Variants in ARHGAP11B observed in about 807,000 individuals in gnomAD.
ARHGAP11B encodes the protein Rho GTPase activating protein 11B.
Under a neutral mutation model 27.6 loss-of-function variants are expected in ARHGAP11B, and 14 were observed. The ratio of observed to expected loss-of-function variants is 0.51; its 90% CI spans 0.34 to 0.79. The LOEUF (loss-of-function observed/expected upper bound fraction) is 0.79. Ranked by LOEUF, ARHGAP11B falls within the 30% of genes least tolerant of loss-of-function variation. The pLI is 0.02. For synonymous variants in ARHGAP11B, 82 were observed against 114.1 expected (o/e 0.72, Z 1.80); for missense variants, 245 against 320.1 (o/e 0.77, Z 1.79).
intron 1 of ARHGAP11B, among the ~76,000 whole-genome samples, chr15:30,628,908 AG>A (rs2060226186): frequency 6.6e-6 from 1 of 152,080 alleles, no homozygotes; most frequent in Non-Finnish European, 1.5e-5. Flanking sequence ...GCTGAATTCT[AG>A]TTATATATAA....
chr15:30,647,927 A>G (rs777300387), intron 10 of ARHGAP11B, among the ~76,000 whole-genome samples: 1 of 151,980 alleles, frequency 6.6e-6, no homozygotes, highest in Non-Finnish European at 1.5e-5. Flanking sequence ...TTCTGGGATT[A>G]TCTAAGCTAC....
chr15:30,648,452 A>G (rs563103726), exon 11 of ARHGAP11B, among the ~76,000 whole-genome samples: 2 of 152,114 alleles, frequency 1.3e-5, no homozygotes, highest in Non-Finnish European at 2.9e-5. Context: ...ACATAGGTTT[A>G]GGATTCAGAC....
At chr15:30,635,049 C>T (rs1317580644) in intron 4 of ARHGAP11B, 31 bp from the exon 5 acceptor site, 4 of 1,605,456 alleles carry the variant, frequency 2.5e-6, no homozygotes, top group African/African-American at 1.3e-5. Flanking sequence ...TCACGTTTGG[C>T]TCCATCTAAT....
At chr15:30,626,708 C>T in exon 1 of ARHGAP11B, 2 of 1,463,658 alleles carry the variant, frequency 1.4e-6, no homozygotes, top group Admixed American at 2.5e-5. Context: ...CCAGACGGGG[C>T]CGGAAAGCAG....
rs764101754 is a variant in ARHGAP11B, at chr15:30,630,774, G to T, written c.200+1G>T. Reference sequence around the variant, plus strand: ...TACCAGAATATGGACACATTCCAAGGTAAGCAGAGTTTGAAATGAAGAAGG... The same window carrying T: ...TACCAGAATATGGACACATTCCAAGTTAAGCAGAGTTTGAAATGAAGAAGG... On this transcript the variant is annotated splice_donor_variant, in intron 2 of 10. Transcript: ENST00000428041. LOFTEE classifies it high-confidence loss of function. 1.2e-6 allele frequency: 2 copies of T among 1,607,604 alleles called. No homozygotes were observed. Among genetic ancestry groups the T allele is most frequent in the Non-Finnish European group, 1.7e-6 (2 of 1,177,408 alleles).
At chr15:30,635,047 G>A in intron 4 of ARHGAP11B, 33 bp from the exon 5 acceptor site, 2 of 1,600,982 alleles carry the variant, frequency 1.2e-6, no homozygotes, top group Non-Finnish European at 1.7e-6. Flanking sequence ...TTTCACGTTT[G>A]GCTCCATCTA....
At chr15:30,642,758 T>A (rs1328305369) in intron 7 of ARHGAP11B, among the ~76,000 whole-genome samples, 1 of 152,060 alleles carries the variant, frequency 6.6e-6, no homozygotes, top group Admixed American at 6.6e-5. Context: ...CCTTGTATTA[T>A]TAAAAGAGTT....
exon 6 of ARHGAP11B, chr15:30,635,625 G>A (rs759030465): frequency 1.3e-5 from 21 of 1,613,374 alleles, no homozygotes; most frequent in Non-Finnish European, 1.6e-5. Flanking sequence ...AGAAGACAAC[G>A]TGTAGGAGGT....
intron 7 of ARHGAP11B, among the ~76,000 whole-genome samples, chr15:30,641,986 G>C (rs1001520703): frequency 2.6e-5 from 4 of 152,026 alleles, no homozygotes; most frequent in Non-Finnish European, 5.9e-5. Flanking sequence ...AAAATACTGG[G>C]ATTACAGACG....
rs566212324 is a variant in ARHGAP11B at position 30,638,811 on chromosome 15, G to A, written c.*69G>A. On this transcript the variant is annotated 3_prime_UTR_variant, in exon 7 of 11. Transcript: ENST00000428041. ...AACACCTTCTATTACACCTCAACAA[G>A]AAAGAATTGGTAGGTATTTATTATA... is the stretch of plus-strand genomic sequence containing the variant. 106 of 1,418,662 alleles carry A rather than the reference G, an allele frequency of 7.5e-5. 3 individuals carry two copies. The South Asian group carries it at 1.4e-3, about 19-fold the overall frequency. The allele number at this position is 1,418,662 out of a possible 1,614,324, so 87.9% of individuals were successfully genotyped here. A position where few individuals can be genotyped will look rare whatever the true frequency, so the allele number is the denominator to read the frequency against.
chr15:30,649,058 A>G (rs2140913966), exon 11 of ARHGAP11B: 1 of 152,198 alleles, frequency 6.6e-6, no homozygotes, highest in Admixed American at 6.6e-5. Flanking sequence ...TTTCAAACAG[A>G]CATTCCAAAT....
chr15:30,627,245 G>A (rs1467415640), intron 1 of ARHGAP11B, among the ~76,000 whole-genome samples: 1 of 151,892 alleles, frequency 6.6e-6, no homozygotes, highest in Non-Finnish European at 1.5e-5. Flanking sequence ...TGTGAATTGT[G>A]GGATGTTTAG....
chr15:30,633,396 G>C (rs1257483555), intron 2 of ARHGAP11B, 94 bp from the exon 3 acceptor site: 8 of 1,087,682 alleles, frequency 7.4e-6, no homozygotes, highest in African/African-American at 3.2e-5. Flanking sequence ...TAGAGCCTCT[G>C]AAAGGTCTGT....
chr15:30,645,792 C>G (rs548567308), intron 8 of ARHGAP11B, among the ~76,000 whole-genome samples: 21 of 152,078 alleles, frequency 1.4e-4, no homozygotes, highest in African/African-American at 4.6e-4. Flanking sequence ...TACAAAGGCT[C>G]TTTTGTCTTT....
At chr15:30,645,471 T>G (rs991690170) in intron 8 of ARHGAP11B, among the ~76,000 whole-genome samples, 13 of 151,990 alleles carry the variant, frequency 8.6e-5, no homozygotes, top group African/African-American at 3.1e-4. Flanking sequence ...CAGTGCCAAG[T>G]AGGTCTATTT....
chr15:30,648,692 A>T (rs938034904), exon 11 of ARHGAP11B: 1 of 152,070 alleles, frequency 6.6e-6, no homozygotes, highest in African/African-American at 2.4e-5. Flanking sequence ...AGTTATTATC[A>T]TGAAGCTTGC....
rs141729025 is a variant in ARHGAP11B, at chr15:30,643,964, C to T, written c.*79-675C>T. 2.0e-3 allele frequency among the ~76,000 whole-genome samples: 304 copies of T among 152,052 alleles called. 2 individuals are homozygous for T. Among genetic ancestry groups the T allele is most frequent in the African/African-American group, 7.0e-3 (290 of 41,508 alleles). On this transcript the variant is annotated intron_variant, in intron 7 of 10. Coordinates refer to ENST00000428041, the Ensembl canonical transcript of ARHGAP11B. The stretch of plus-strand genomic sequence containing the variant: ...CACATTTCTCAAATTGTGCACTTTC[C>T]AATTCATGCTATTATGGCTTCCTTG...
At chr15:30,643,802 T>G (rs1335577278) in intron 7 of ARHGAP11B, among the ~76,000 whole-genome samples, 7 of 152,166 alleles carry the variant, frequency 4.6e-5, no homozygotes, top group African/African-American at 1.2e-4. Flanking sequence ...ACTTAATTAG[T>G]AAAGGTTTTA....
chr15:30,632,550 G>A (rs1278569188), intron 2 of ARHGAP11B, among the ~76,000 whole-genome samples: 1 of 151,524 alleles, frequency 6.6e-6, no homozygotes, highest in Non-Finnish European at 1.5e-5. Flanking sequence ...TGTTTTGTCA[G>A]TTACCTTCTG....
Sources: gnomAD v4.1 joint callset for allele counts (sites outside exome capture counted in the v4.1 genomes callset) on GRCh38, gnomAD v4.1.1 for gene constraint, MANE v1.5 for transcripts, NCBI Gene and HGNC (gene_info 2026-07-23, HGNC 2026-07-21) for gene names.